The following BICRAL variants were observed in gnomAD, a reference collection of about 807,000 sequenced individuals.
BICRAL encodes the protein BICRA like chromatin remodeling complex associated protein.
BICRAL carries 8 observed loss-of-function variants against 91.8 expected under a neutral mutation model. The observed-to-expected ratio is 0.09, with a 90% CI of 0.05 to 0.16. BICRAL has a LOEUF of 0.16. BICRAL is among the 10% of genes least tolerant of loss of function. The pLI is 1.00. For synonymous variants in BICRAL, 445 were observed against 491.1 expected, an observed-to-expected ratio of 0.91 and a Z score of 1.24; for missense variants, 1,038 against 1,310.9, an observed-to-expected ratio of 0.79 and a Z score of 3.21.
At chr6:42,806,381 G>A (rs1442247347) in intron 1 of BICRAL, among the ~76,000 whole-genome samples, 2 of 152,160 alleles carry the variant, frequency 1.3e-5, no homozygotes, top group Non-Finnish European at 2.9e-5. Context: ...TTGAAACAGA[G>A]TCTTACTCTG....
At chr6:42,767,285 CTATT>C (rs562743254) in intron 1 of BICRAL, among the ~76,000 whole-genome samples, 11 of 151,906 alleles carry the variant, frequency 7.2e-5, no homozygotes, top group African/African-American at 2.4e-4. Flanking sequence ...TTTTTGTTTT[CTATT>C]TATGTCATTT....
At chr6:42,781,995 A>AGCTCCC (rs1411596782), upstream of BICRAL, 5 of 145,766 alleles carry the variant, frequency 3.4e-5, no homozygotes, top group South Asian at 1.8e-4. Flanking sequence ...CTCGGCCGGG[A>AGCTCCC]GCTCCCGCGC....
intron 12 of BICRAL, 151 bp downstream of exon 12, chr6:42,862,763 A>G: frequency 3.3e-6 from 2 of 601,614 alleles, no homozygotes; most frequent in Non-Finnish European, 6.0e-6. Flanking sequence ...CACACCTGTA[A>G]TCCCATCTAC....
upstream of BICRAL, among the ~76,000 whole-genome samples, chr6:42,780,206 A>G (rs911862646): frequency 1.3e-5 from 2 of 152,298 alleles, no homozygotes; most frequent in Middle Eastern, 3.4e-3. Flanking sequence ...TACCCTGACT[A>G]AAAAGATCTT....
At chr6:42,779,576 A>C (rs192947564), upstream of BICRAL, among the ~76,000 whole-genome samples, 67 of 152,352 alleles carry the variant, frequency 4.4e-4, no homozygotes, top group African/African-American at 1.6e-3. Context: ...ACTGTGTAAT[A>C]CTAAATCACT....
chr6:42,802,178 A>G (rs1763592555), intron 1 of BICRAL, among the ~76,000 whole-genome samples: 1 of 151,892 alleles, frequency 6.6e-6, no homozygotes. Flanking sequence ...AGGCTGAGGT[A>G]GGAGAATCAC....
chr6:42,846,131 C>T lies in BICRAL; in HGVS notation c.1840-5961C>T, dbSNP rs557802433. Among the ~76,000 whole-genome samples, 73 of 151,016 alleles carry T rather than the reference C, an allele frequency of 4.8e-4. No homozygotes were observed. The Middle Eastern group carries it at 0.018, about 37-fold the overall frequency. ...ATGGCTCACACCTGTAATCCCAGCACTTTCAGAGGCCGAGGCAGGCGCATC... is the reference window on the plus strand; with the variant it reads ...ATGGCTCACACCTGTAATCCCAGCATTTTCAGAGGCCGAGGCAGGCGCATC... On this transcript the variant is annotated intron_variant, in intron 6 of 12. Coordinates refer to ENST00000314073, the MANE Select transcript of BICRAL (RefSeq NM_001393499.1).
At position 42,829,462 on chromosome 6, in the gene BICRAL, G is replaced by A. The variant is rs771853925; in HGVS notation, c.1129G>A (p.Ala377Thr). 6.2e-7 allele frequency: 1 copy of A among 1,614,146 alleles called. No homozygotes were observed. Among genetic ancestry groups the A allele is most frequent in the East Asian group, 2.2e-5 (1 of 44,878 alleles). Residue 377 changes from alanine (A) to threonine (T), a missense_variant, in exon 6 of 13, where the codon GCA becomes ACA. This residue lies in a region of BICRAL where 532 missense variants were observed against 724.9 expected (regional missense o/e 0.73). Transcript: ENST00000314073. ...QNTRKPVTSQAVSSTGGSIVI... is the reference protein window; with the variant it reads ...QNTRKPVTSQTVSSTGGSIVI... ...CACAAGAAAGCCAGTCACCTCACAG[G>A]CAGTGAGCAGCACTGGGGGCAGTAT...
rs115635390 is a variant in BICRAL at position 42,804,804 on chromosome 6, G to A, written c.-101-5502G>A. On this transcript the variant is annotated intron_variant, in intron 1 of 12. Transcript: ENST00000314073. Reference sequence around the variant, plus strand: ...AAAGTTGCCTGCCTTCGGGATGGCAGAATTAAGTGCTGTCTCATCAGCACT... The same window carrying A: ...AAAGTTGCCTGCCTTCGGGATGGCAAAATTAAGTGCTGTCTCATCAGCACT... 7.3e-3 allele frequency among the ~76,000 whole-genome samples: 1,119 copies of A among 152,304 alleles called. 9 individuals carry two copies. Among genetic ancestry groups the A allele is most frequent in the African/African-American group, 0.024 (992 of 41,562 alleles).
At chr6:42,789,866 CTGTTT>C (rs1157304659) in intron 1 of BICRAL, among the ~76,000 whole-genome samples, 3 of 152,142 alleles carry the variant, frequency 2.0e-5, no homozygotes, top group South Asian at 2.1e-4. Context: ...CCCATGTTTA[CTGTTT>C]TGTTCTAAGC....
At chr6:42,821,722 C>T (rs557553301) in intron 2 of BICRAL, among the ~76,000 whole-genome samples, 1 of 152,258 alleles carries the variant, frequency 6.6e-6, no homozygotes, top group East Asian at 1.9e-4. Context: ...TGGTTTATAG[C>T]CCCTTGGGGG....
At chr6:42,815,737 C>T (rs1013425625) in intron 2 of BICRAL, among the ~76,000 whole-genome samples, 1 of 151,786 alleles carries the variant, frequency 6.6e-6, no homozygotes, top group African/African-American at 2.4e-5. Flanking sequence ...ACTGTAATCC[C>T]AGCACTTTGG....
intron 8 of BICRAL, among the ~76,000 whole-genome samples, chr6:42,854,857 T>A (rs1490405751): frequency 6.6e-6 from 1 of 152,134 alleles, no homozygotes; most frequent in Non-Finnish European, 1.5e-5. Context: ...TGATACATGA[T>A]AGATGTACAT....
chr6:42,770,232 TTTC>T (rs553355850), intron 1 of BICRAL, among the ~76,000 whole-genome samples: 370 of 152,040 alleles, frequency 2.4e-3, no homozygotes, highest in Non-Finnish European at 3.9e-3. Flanking sequence ...AGTTTTTTGT[TTTC>T]TTTTGTTTTT....
chr6:42,797,948 C>A (rs906856081), intron 1 of BICRAL, among the ~76,000 whole-genome samples: 8 of 152,092 alleles, frequency 5.3e-5, no homozygotes, highest in African/African-American at 1.9e-4. Flanking sequence ...TGCACTCCAG[C>A]CTTGGTGACA....
intron 6 of BICRAL, among the ~76,000 whole-genome samples, chr6:42,841,697 A>G (rs1014699426): frequency 1.3e-5 from 2 of 152,172 alleles, no homozygotes; most frequent in African/African-American, 4.8e-5. Flanking sequence ...AATGTCTCCT[A>G]TCCATTCTCT....
intron 6 of BICRAL, among the ~76,000 whole-genome samples, chr6:42,835,204 C>T (rs968351092): frequency 1.1e-4 from 16 of 152,162 alleles, no homozygotes; most frequent in African/African-American, 3.9e-4. Flanking sequence ...TATCTGCTCA[C>T]TGCAACCTCT....
intron 1 of BICRAL, among the ~76,000 whole-genome samples, chr6:42,805,210 G>A (rs1201970016): frequency 1.3e-5 from 2 of 152,212 alleles, no homozygotes; most frequent in Non-Finnish European, 2.9e-5. Context: ...GTAGACATGG[G>A]AGAGGAAGAA....
rs866635462 is a variant in BICRAL, at chr6:42,866,286, A to G, written c.*840A>G. ...GGCACAGTGTACAGAGGAGGCCGGG[A>G]TAGAGCCATGAGGGTTATAATATTA... On this transcript the variant is annotated 3_prime_UTR_variant, in exon 13 of 13. Transcript: ENST00000314073. The G allele has an allele frequency of 6.5e-6, 1 of 154,820 alleles. No individual in the cohort carries two copies. Among genetic ancestry groups the G allele is most frequent in the Non-Finnish European group, 1.4e-5 (1 of 69,690 alleles). 9.6% of individuals were successfully genotyped at this position (154,820 alleles called of 1,614,324 possible). A position where few individuals can be genotyped will look rare whatever the true frequency, so the allele number is the denominator to read the frequency against.
Sources: gnomAD v4.1 joint callset for allele counts (sites outside exome capture counted in the v4.1 genomes callset) on GRCh38, gnomAD v4.1.1 for gene constraint, gnomAD v4.1.1 regional missense constraint, MANE v1.5 for transcripts, NCBI Gene and HGNC (gene_info 2026-07-23, HGNC 2026-07-21) for gene names.